The following UBR3 variants were observed in gnomAD, a reference collection of about 807,000 sequenced individuals.
The protein encoded by UBR3 is ubiquitin protein ligase E3 component n-recognin 3.
UBR3 carries 85 observed loss-of-function variants against 243.2 expected under a neutral mutation model. The ratio of observed to expected loss-of-function variants is 0.35; its 90% CI spans 0.29 to 0.42. The LOEUF (loss-of-function observed/expected upper bound fraction) is 0.42, where lower values mean the gene tolerates loss of function less well. UBR3 is among the 10% of genes least tolerant of loss of function. The pLI is 1.00. For missense variants in UBR3, 1,686 were observed against 2,300.8 expected (o/e 0.73, Z 5.47); for synonymous variants, 748 against 799.8 (o/e 0.94, Z 1.09).
chr2:170,073,339 C>T, intron 35 of UBR3, 89 bp from the exon 36 acceptor site: 1 of 1,462,070 alleles, frequency 6.8e-7, no homozygotes, highest in South Asian at 1.2e-5. Context: ...TTCTTATTGT[C>T]TCAAAGTAAT....
At chr2:170,081,627 T>G (rs1574493736) in intron 38 of UBR3, 99 bp from the exon 39 acceptor site, 1 of 784,912 alleles carries the variant, frequency 1.3e-6, no homozygotes, top group Non-Finnish European at 1.9e-6. Flanking sequence ...GAGGCGGAGG[T>G]TGCACTGCGA....
chr2:170,065,009 AT>A (rs1212353215), intron 35 of UBR3, among the ~76,000 whole-genome samples: 1 of 149,818 alleles, frequency 6.7e-6, no homozygotes, highest in Non-Finnish European at 1.5e-5. Context: ...CACCCAGCTA[AT>A]TTTTGTATTT....
chr2:169,857,062 A>ATTTTTT (rs1553494582), intron 1 of UBR3, among the ~76,000 whole-genome samples: 1 of 28,472 alleles, frequency 3.5e-5, no homozygotes, highest in African/African-American at 9.3e-5. Context: ...TAATTTTATT[A>ATTTTTT]TGTTTTTTTT....
chr2:169,842,759 C>T (rs1012210108), intron 1 of UBR3, among the ~76,000 whole-genome samples: 1 of 152,232 alleles, frequency 6.6e-6, no homozygotes, highest in Admixed American at 6.5e-5. Flanking sequence ...AAGGGACAGA[C>T]TCCAGACACG....
At chr2:169,874,167 T>G (rs575302624) in intron 2 of UBR3, among the ~76,000 whole-genome samples, 4 of 151,618 alleles carry the variant, frequency 2.6e-5, no homozygotes, top group African/African-American at 9.7e-5. Flanking sequence ...GCAAAAAAAA[T>G]TCTGCCTTTT....
intron 18 of UBR3, among the ~76,000 whole-genome samples, chr2:169,932,329 C>T (rs1249833844): frequency 6.6e-6 from 1 of 152,166 alleles, no homozygotes; most frequent in African/African-American, 2.4e-5. Flanking sequence ...CTGCCCACCT[C>T]AGCTGCCCAA....
intron 1 of UBR3, among the ~76,000 whole-genome samples, chr2:169,841,475 C>A (rs554904997): frequency 3.2e-3 from 488 of 152,310 alleles, no homozygotes; most frequent in South Asian, 9.1e-3. Flanking sequence ...TGTGGGAGCC[C>A]CTTTCTGGGC....
rs1386553500 is a variant in UBR3, at chr2:169,828,012, G to A, written c.505G>A (p.Ala169Thr). The change falls in exon 1 of 39, where the codon GCC becomes ACC. Residue 169 changes from alanine (A) to threonine (T), a missense_variant. Around this residue, in one of 8 missense-constraint regions of UBR3, gnomAD observed 145 missense variants for 243.8 expected, o/e 0.59. Coordinates refer to ENST00000272793, the MANE Select transcript of UBR3 (RefSeq NM_172070.4). ...CATGTTCCGCAGCCAGGCCGGGGGC[G>A]CCTGCGACTGCGGGGACAGCAACGT... ...FNMFRSQAGG[A>T]CDCGDSNVMR... 7.1e-7 allele frequency: 1 copy of A among 1,408,866 alleles called. No individual in the cohort carries two copies. The highest frequency in any genetic ancestry group is 9.3e-7 in the Non-Finnish European group (1 of 1,074,786). 87.3% of individuals were successfully genotyped at this position (1,408,866 alleles called of 1,614,324 possible). A position where few individuals can be genotyped will look rare whatever the true frequency, so the allele number is the denominator to read the frequency against.
At chr2:169,898,980 C>G (rs1008881433) in intron 8 of UBR3, among the ~76,000 whole-genome samples, 1 of 151,872 alleles carries the variant, frequency 6.6e-6, no homozygotes, top group South Asian at 2.1e-4. Flanking sequence ...GGATTACAGG[C>G]GTGAGCCACC....
At chr2:169,994,546 T>C in intron 26 of UBR3, 90 bp downstream of exon 26, 1 of 1,421,826 alleles carries the variant, frequency 7.0e-7, no homozygotes, top group Non-Finnish European at 9.5e-7. Context: ...CAAAATGGCA[T>C]TCTGATGTTA....
rs149905685 is a variant in UBR3 at position 169,874,113 on chromosome 2, C to T, written c.686-1678C>T. Among the ~76,000 whole-genome samples, 493 of 151,632 alleles carry T rather than the reference C, an allele frequency of 3.3e-3. 1 individual carries two copies. Among genetic ancestry groups the T allele is most frequent in the Middle Eastern group, 6.9e-3 (2 of 290 alleles). Reference sequence around the variant, plus strand: ...CATGAATGTAGGTTCATGGAAGTTTCTTCCTTATATTACTACTTCTGTTCA... The same window carrying T: ...CATGAATGTAGGTTCATGGAAGTTTTTTCCTTATATTACTACTTCTGTTCA... On this transcript the variant is annotated intron_variant, in intron 2 of 38. Transcript: ENST00000272793.
intron 1 of UBR3, among the ~76,000 whole-genome samples, chr2:169,855,454 T>A (rs1261214494): frequency 1.3e-5 from 2 of 152,110 alleles, no homozygotes; most frequent in Non-Finnish European, 2.9e-5. Flanking sequence ...GAGATAAACA[T>A]GTGAACAAAG....
chr2:170,061,053 T>G, intron 33 of UBR3, 26 bp from the exon 34 acceptor site: 1 of 1,441,550 alleles, frequency 6.9e-7, no homozygotes, highest in Non-Finnish European at 9.3e-7. Context: ...CAGTGACCAG[T>G]GTAACCAATA....
chr2:170,065,631 A>T (rs1029173261), intron 35 of UBR3, among the ~76,000 whole-genome samples: 1 of 152,090 alleles, frequency 6.6e-6, no homozygotes, highest in African/African-American at 2.4e-5. Context: ...TTATAAAGCT[A>T]ATTAATTCTA....
chr2:169,911,686 T>C (rs1161388672), intron 10 of UBR3, among the ~76,000 whole-genome samples: 4 of 152,124 alleles, frequency 2.6e-5, no homozygotes, highest in African/African-American at 7.2e-5. Flanking sequence ...TCCAGAAGGG[T>C]GGTACCAGTT....
intron 33 of UBR3, among the ~76,000 whole-genome samples, chr2:170,058,965 T>C (rs1377645178): frequency 6.6e-6 from 1 of 152,204 alleles, no homozygotes; most frequent in Non-Finnish European, 1.5e-5. Context: ...ACAGACTCTC[T>C]TGCATCTCTC....
At chr2:169,874,321 A>G (rs1298892152) in intron 2 of UBR3, among the ~76,000 whole-genome samples, 1 of 151,702 alleles carries the variant, frequency 6.6e-6, no homozygotes, top group African/African-American at 2.4e-5. Flanking sequence ...GGCGCCCACC[A>G]CCACGCCCGG....
chr2:169,988,531 A>G (rs1163567365), intron 25 of UBR3, among the ~76,000 whole-genome samples: 1 of 152,230 alleles, frequency 6.6e-6, no homozygotes, highest in Non-Finnish European at 1.5e-5. Flanking sequence ...TTGCCAGGAC[A>G]CAGTGGTTCA....
At chr2:169,835,167 G>T (rs2082045267) in intron 1 of UBR3, among the ~76,000 whole-genome samples, 1 of 152,088 alleles carries the variant, frequency 6.6e-6, no homozygotes, top group Non-Finnish European at 1.5e-5. Flanking sequence ...GTTTTAAATG[G>T]TAAATTTTAT....
Sources: gnomAD v4.1 joint callset for allele counts (sites outside exome capture counted in the v4.1 genomes callset) on GRCh38, gnomAD v4.1.1 for gene constraint, gnomAD v4.1.1 regional missense constraint, MANE v1.5 for transcripts, NCBI Gene and HGNC (gene_info 2026-07-23, HGNC 2026-07-21) for gene names.